Variants in CAMK1D observed in about 807,000 individuals in gnomAD.
CAMK1D encodes the protein calcium/calmodulin dependent protein kinase ID, also known as calcium/calmodulin-dependent protein kinase type 1D.
CAMK1D carries 9 observed loss-of-function variants against 47.7 expected under a neutral mutation model. That is an observed-to-expected ratio of 0.19 (90% CI 0.11 to 0.33). The LOEUF is 0.33. Ranked by LOEUF, CAMK1D falls within the 10% of genes least tolerant of loss-of-function variation. The pLI, the probability that CAMK1D is intolerant of heterozygous loss-of-function variation, is 1.00. For synonymous variants in CAMK1D, 184 were observed against 184.9 expected (o/e 0.99, Z 0.04); for missense variants, 291 against 488.7 (o/e 0.60, Z 3.81).
intron 3 of CAMK1D, among the ~76,000 whole-genome samples, chr10:12,712,764 C>T (rs1038121959): frequency 7.2e-5 from 11 of 152,186 alleles, no homozygotes; most frequent in African/African-American, 9.6e-5. Context: ...CAGTCCATAA[C>T]GGAGGGGAAG....
chr10:12,701,770 G>A (rs1833528808), intron 3 of CAMK1D, among the ~76,000 whole-genome samples: 1 of 152,230 alleles, frequency 6.6e-6, no homozygotes, highest in Admixed American at 6.5e-5. Context: ...TTCTCCGAGA[G>A]TGGTTACATT....
At chr10:12,827,301 CTCTCTTTTTCT>C (rs1833254386) in intron 10 of CAMK1D, among the ~76,000 whole-genome samples, 4 of 84,544 alleles carry the variant, frequency 4.7e-5, no homozygotes, top group Non-Finnish European at 4.8e-5. Flanking sequence ...CTTTCTTTCT[CTCTCTTTTTCT>C]TTTCTTTCTT....
chr10:12,585,624 GT>G (rs1342062103), intron 2 of CAMK1D, among the ~76,000 whole-genome samples: 1 of 152,226 alleles, frequency 6.6e-6, no homozygotes, highest in East Asian at 1.9e-4. Flanking sequence ...TGAGAGCCAA[GT>G]GAAAGGGGTT....
intron 2 of CAMK1D, among the ~76,000 whole-genome samples, chr10:12,609,301 C>A (rs891791164): frequency 1.3e-5 from 2 of 151,976 alleles, no homozygotes; most frequent in African/African-American, 4.8e-5. Flanking sequence ...TTTTGGGCAC[C>A]AGGACCAGTT....
chr10:12,623,127 TCCTCCCTCC>T (rs1564451281), intron 2 of CAMK1D, among the ~76,000 whole-genome samples: 14 of 53,066 alleles, frequency 2.6e-4, no homozygotes, highest in East Asian at 2.6e-3. Context: ...CTTCTTTCCT[TCCTCCCTCC>T]CTTCCTCCCT....
chr10:12,708,223 G>A (rs577263787), intron 3 of CAMK1D, among the ~76,000 whole-genome samples: 37 of 152,290 alleles, frequency 2.4e-4, no homozygotes, highest in African/African-American at 8.7e-4. Flanking sequence ...TGTGGGGCTA[G>A]TATCCTGCAA....
intron 1 of CAMK1D, among the ~76,000 whole-genome samples, chr10:12,437,989 C>T (rs1006348334): frequency 2.0e-5 from 3 of 152,330 alleles, no homozygotes; most frequent in Non-Finnish European, 2.9e-5. Flanking sequence ...CTAGCACAGA[C>T]CCAAATTCCA....
chr10:12,676,675 A>G (rs989730954), intron 3 of CAMK1D, among the ~76,000 whole-genome samples: 1 of 152,204 alleles, frequency 6.6e-6, no homozygotes, highest in Admixed American at 6.5e-5. Context: ...TGAGCAACCC[A>G]GTGTATGCCC....
intron 2 of CAMK1D, among the ~76,000 whole-genome samples, chr10:12,571,264 G>A (rs1199218808): frequency 6.6e-6 from 1 of 151,928 alleles, no homozygotes; most frequent in Non-Finnish European, 1.5e-5. Flanking sequence ...GGCCAGCACA[G>A]TGAAACCCCC....
chr10:12,490,411 A>T (rs1381636186), intron 1 of CAMK1D, among the ~76,000 whole-genome samples: 1 of 152,176 alleles, frequency 6.6e-6, no homozygotes, highest in Non-Finnish European at 1.5e-5. Context: ...ATGGGAAGAC[A>T]GGATAGTGAT....
chr10:12,694,287 A>AAATATATATTATGTATAATATAT (rs1833132640), intron 3 of CAMK1D, among the ~76,000 whole-genome samples: 2 of 52,066 alleles, frequency 3.8e-5, no homozygotes, highest in African/African-American at 1.7e-4. Flanking sequence ...ACATAATATA[A>AAATATATATTATGTATAATATAT]AATATATATT....
intron 3 of CAMK1D, among the ~76,000 whole-genome samples, chr10:12,759,096 C>T (rs1025422574): frequency 1.3e-5 from 2 of 152,196 alleles, no homozygotes; most frequent in African/African-American, 4.8e-5. Context: ...CGCCTGTAAT[C>T]CCAGCACTTT....
chr10:12,699,073 C>T, intron 3 of CAMK1D, among the ~76,000 whole-genome samples: 1 of 152,044 alleles, frequency 6.6e-6, no homozygotes, highest in East Asian at 1.9e-4. Flanking sequence ...AAATTCTCCC[C>T]AAATTGCCCT....
chr10:12,387,360 A>G (rs112612968), intron 1 of CAMK1D, among the ~76,000 whole-genome samples: 1 of 87,878 alleles, frequency 1.1e-5, no homozygotes, highest in African/African-American at 3.5e-5. Context: ...TATTTTATAT[A>G]TATAATATAT....
chr10:12,487,587 T>C (rs999920405), intron 1 of CAMK1D, among the ~76,000 whole-genome samples: 1 of 152,254 alleles, frequency 6.6e-6, no homozygotes, highest in Non-Finnish European at 1.5e-5. Flanking sequence ...TTGAATCCTT[T>C]TCAAATCAAT....
chr10:12,734,383 T>G (rs372766020), intron 3 of CAMK1D, among the ~76,000 whole-genome samples: 6 of 1,936 alleles, frequency 3.1e-3, no homozygotes, highest in Non-Finnish European at 9.9e-3. Context: ...TATATAGATA[T>G]AGATATAGAT....
chr10:12,460,261 C>CTTTTT (rs34911316), intron 1 of CAMK1D, among the ~76,000 whole-genome samples: 1 of 142,092 alleles, frequency 7.0e-6, no homozygotes, highest in Non-Finnish European at 1.5e-5. Context: ...TTTCTCTATT[C>CTTTTT]TTTTTTTTTT....
chr10:12,653,815 A>G (rs1007670538), intron 2 of CAMK1D, among the ~76,000 whole-genome samples: 2 of 152,186 alleles, frequency 1.3e-5, no homozygotes, highest in African/African-American at 4.8e-5. Flanking sequence ...CTTTAGTGCA[A>G]TGCCTAGGAT....
At chr10:12,432,891 G>A (rs1169790210) in intron 1 of CAMK1D, among the ~76,000 whole-genome samples, 1 of 151,760 alleles carries the variant, frequency 6.6e-6, no homozygotes, top group Non-Finnish European at 1.5e-5. Context: ...TCGGCAATGG[G>A]AGCTGCTGCA....
Sources: allele counts gnomAD v4.1 joint callset (sites outside exome capture counted in the v4.1 genomes callset), GRCh38; gene constraint gnomAD v4.1.1; transcripts MANE v1.5; gene names NCBI Gene and HGNC (gene_info 2026-07-23, HGNC 2026-07-21).